The following RIC8A variants were observed in gnomAD, a reference collection of about 807,000 sequenced individuals.
The protein encoded by RIC8A is chaperone Ric-8A.
In RIC8A, 37 loss-of-function variants were observed where a neutral mutation model predicts 48.4. The ratio of observed to expected loss-of-function variants is 0.77; its 90% CI spans 0.59 to 1.01. The LOEUF is 1.01. RIC8A is among the 50% of genes least tolerant of loss of function. The probability of loss-of-function intolerance (pLI) is 0.00; values close to 1 mark genes in which losing one functional copy is unlikely to be tolerated. For synonymous variants in RIC8A, 288 were observed against 283.4 expected (o/e 1.02, Z -0.16); for missense variants, 681 against 696.8 (o/e 0.98, Z 0.25).
Position 212,467 on chromosome 11 carries a change from T to C in RIC8A, c.1021T>C (p.Cys341Arg). The C allele has an allele frequency of 6.2e-7, 1 of 1,613,972 alleles. No homozygotes were observed. Among genetic ancestry groups the C allele is most frequent in the Non-Finnish European group, 8.5e-7 (1 of 1,179,976 alleles). Residue 341 changes from cysteine (C) to arginine (R), a missense_variant, in exon 6 of 10, where the codon TGT becomes CGT. Cys to Arg is a radical substitution (Grantham distance 180). Transcript: ENST00000526104. ...VAPVLSVLTECARMHRPARKF... is the reference protein window; with the variant it reads ...VAPVLSVLTERARMHRPARKF... ...TCCCGTGCTGAGCGTGCTGACTGAATGTGCCCGGATGCACCGCCCAGCCAG... is the reference window on the plus strand; with the variant it reads ...TCCCGTGCTGAGCGTGCTGACTGAACGTGCCCGGATGCACCGCCCAGCCAG...
chr11:212,726 G>A lies in RIC8A; in HGVS notation c.1177G>A (p.Ala393Thr), dbSNP rs1280236167. 1 of 1,614,076 alleles carries A rather than the reference G, an allele frequency of 6.2e-7. No homozygotes were observed. The highest frequency in any genetic ancestry group is 1.7e-5 in the Admixed American group (1 of 60,034). Reference sequence around the variant, plus strand: ...GGACACAGATGTGAAGAGGGTGGCTGCCGAGTTCTTGTTTGTCCTGTGCTC... The same window carrying A: ...GGACACAGATGTGAAGAGGGTGGCTACCGAGTTCTTGTTTGTCCTGTGCTC... ...HLDTDVKRVA[A>T]EFLFVLCSES... Residue 393 changes from alanine (A) to threonine (T), a missense_variant, in exon 7 of 10, where the codon GCC becomes ACC. By Grantham distance (58) the Ala-to-Thr change is moderately conservative (BLOSUM62 0). Coordinates refer to ENST00000526104, the MANE Select transcript of RIC8A (RefSeq NM_001286134.2).
Position 209,822 on chromosome 11 carries a change from T to G in RIC8A, c.548T>G (p.Phe183Cys), listed in dbSNP as rs1176075187. The change falls in exon 3 of 10, where the codon TTT becomes TGT. Residue 183 changes from phenylalanine (F) to cysteine (C), a missense_variant. Phe to Cys is a radical substitution (Grantham distance 205). Transcript: ENST00000526104. ...ALRTDVRQQL[F>C]QELKGVRLLT... ...CGCACCGATGTGCGCCAGCAGCTGT[T>G]TCAGGAGCTGAAAGGAGTGCGCCTG... The G allele has an allele frequency of 2.5e-6, 4 of 1,614,012 alleles. No individual in the cohort carries two copies. Among genetic ancestry groups the G allele is most frequent in the Non-Finnish European group, 2.5e-6 (3 of 1,180,042 alleles).
In RIC8A at chr11:209,621, A is replaced by T. The variant is rs769002707; in HGVS notation, c.347A>T (p.Glu116Val). 6.2e-7 allele frequency: 1 copy of T among 1,614,032 alleles called. No individual in the cohort carries two copies. The highest frequency in any genetic ancestry group is 1.6e-4 in the Middle Eastern group (1 of 6,062). Residue 116 changes from glutamate (E) to valine (V), a missense_variant, in exon 3 of 10, where the codon GAG becomes GTG. By Grantham distance (121) the Glu-to-Val change is moderately radical. Coordinates refer to ENST00000526104, the MANE Select transcript of RIC8A (RefSeq NM_001286134.2). Reference sequence around the variant, plus strand: ...TCCGCAGACATGGATGTTGTACTGGAGTCCCTCAAGTGCCTGTGCAACCTC... The same window carrying T: ...TCCGCAGACATGGATGTTGTACTGGTGTCCCTCAAGTGCCTGTGCAACCTC... ...PESADMDVVLESLKCLCNLVL... is the reference protein window; with the variant it reads ...PESADMDVVLVSLKCLCNLVL...
Position 209,916 on chromosome 11 carries a change from T to A in RIC8A, c.642T>A (p.Pro214=). The part of the protein sequence containing the change: ...PEGNPPPTLL[P]SQETERAMEI... ...GGAACCCCCCACCCACGCTCCTTCC[T>A]TCCCAAGAGACTGAGCGGGCCATGG... Residue 214 remains proline, a synonymous_variant, in exon 3 of 10, where the codon CCT becomes CCA. Transcript: ENST00000526104. 1.2e-6 allele frequency: 2 copies of A among 1,607,784 alleles called. No individual in the cohort carries two copies. Among genetic ancestry groups the A allele is most frequent in the Non-Finnish European group, 1.7e-6 (2 of 1,179,968 alleles).
At chr11:213,244 T>G in intron 8 of RIC8A, 55 bp from the exon 9 acceptor site, 1 of 1,604,998 alleles carries the variant, frequency 6.2e-7, no homozygotes, top group Non-Finnish European at 8.5e-7. Context: ...GTGGCTTGCC[T>G]CCTGTCCTGG....
chr11:210,281 T>TG, intron 3 of RIC8A: 1 of 683,232 alleles, frequency 1.5e-6, no homozygotes, highest in Non-Finnish European at 2.7e-6. Flanking sequence ...AGGCTGTGAG[T>TG]GGGGCTGAGA....
At position 209,390 on chromosome 11, in the gene RIC8A, C is replaced by T. The variant is rs377487596; in HGVS notation, c.133-17C>T. 1,235 of 1,600,314 alleles carry T rather than the reference C, an allele frequency of 7.7e-4. 18 individuals are homozygous for T. In the South Asian group the frequency reaches 0.013, roughly 16 times the overall value. ...GGAAGAAGGGCCTGGTGGAGCCGCT[C>T]TTCTCCCTGCCCACAGAGACTGGCG... On this transcript the variant is annotated splice_polypyrimidine_tract_variant and intron_variant, in intron 2 of 9. Coordinates refer to ENST00000526104, the MANE Select transcript of RIC8A (RefSeq NM_001286134.2).
chr11:212,484 C>G lies in RIC8A; in HGVS notation c.1038C>G (p.Arg346=). 6.2e-7 allele frequency: 1 copy of G among 1,613,940 alleles called. No individual in the cohort carries two copies. Among genetic ancestry groups the G allele is most frequent in the Non-Finnish European group, 8.5e-7 (1 of 1,179,946 alleles). Residue 346 remains arginine, a synonymous_variant, in exon 6 of 10, where the codon CGC becomes CGG. Coordinates refer to ENST00000526104, the MANE Select transcript of RIC8A (RefSeq NM_001286134.2). The stretch of plus-strand genomic sequence containing the variant: ...TGACTGAATGTGCCCGGATGCACCG[C>G]CCAGCCAGGAAGTTCCTGAAGGCCC... ...SVLTECARMH[R]PARKFLKAQV... is the part of the protein sequence containing the mutation.
At position 208,756 on chromosome 11, in the gene RIC8A, C is replaced by G; in HGVS notation, c.-99C>G. 1 of 909,388 alleles carries G rather than the reference C, an allele frequency of 1.1e-6. No homozygotes were observed. The highest frequency in any genetic ancestry group is 1.9e-5 in the South Asian group (1 of 52,552). 56.3% of individuals were successfully genotyped at this position (909,388 alleles called of 1,614,324 possible). ...GACGCCGCGCCCCGTCCCGGCCTCC[C>G]CCGCGCGCTGGCGCGGGGCTTTCTG... On this transcript the variant is annotated 5_prime_UTR_variant, in exon 1 of 10. Coordinates refer to ENST00000526104, the MANE Select transcript of RIC8A (RefSeq NM_001286134.2). This position sits in a 1 kb window ranked among gnomAD's most constrained non-coding sequence, Gnocchi z 4.8.
In RIC8A at chr11:209,421, G is replaced by T; in HGVS notation, c.147G>T (p.Leu49=). 1.2e-6 allele frequency: 2 copies of T among 1,601,012 alleles called. No homozygotes were observed. The highest frequency in any genetic ancestry group is 1.7e-6 in the Non-Finnish European group (2 of 1,170,506). The change falls in exon 3 of 10, where the codon CTG becomes CTT. Residue 49 remains leucine, a synonymous_variant. Transcript: ENST00000526104. ...CCTGCCCACAGAGACTGGCGGAGCT[G>T]CTGGTCTCCGTCCTGGAACAGGGCT... ...QQEDRKRLAE[L]LVSVLEQGLP...
intron 4 of RIC8A, 184 bp downstream of exon 4, chr11:210,846 T>G (rs1855339401): frequency 3.1e-6 from 2 of 642,870 alleles, no homozygotes; most frequent in Non-Finnish European, 5.5e-6. Flanking sequence ...CAACTGGGCC[T>G]TGGGTAGTGG....
At chr11:210,501 C>T (rs1855328111) in intron 3 of RIC8A, 70 bp from the exon 4 acceptor site, 8 of 1,368,850 alleles carry the variant, frequency 5.8e-6, no homozygotes, top group African/African-American at 2.9e-5. Context: ...GTGCAACAGA[C>T]AGTGGAGCCT....
chr11:211,479 A>G lies in RIC8A; in HGVS notation c.969+130A>G. On this transcript the variant is annotated intron_variant, in intron 5 of 9. Transcript: ENST00000526104. This position sits in a 1 kb window ranked among gnomAD's most constrained non-coding sequence, Gnocchi z 4.0. ...TTGTCTTGGTGGTGTGATATGGGCG[A>G]CTCTTCCGGTTGTTCTGTGGTCCAG... 1.0e-6 allele frequency: 1 copy of G among 990,560 alleles called. No individual in the cohort carries two copies. Among genetic ancestry groups the G allele is most frequent in the East Asian group, 2.7e-5 (1 of 37,078 alleles). 61.4% of individuals were successfully genotyped at this position (990,560 alleles called of 1,614,324 possible).
chr11:209,346 G>T (rs772300550), intron 2 of RIC8A, 28 bp downstream of exon 2: 1 of 1,605,606 alleles, frequency 6.2e-7, no homozygotes, highest in Non-Finnish European at 8.5e-7. Flanking sequence ...GGGTAAAGGG[G>T]CAGGGACGGG....
rs781210696 is a variant in RIC8A at position 213,317 on chromosome 11, G to A, written c.1374G>A (p.Gly458=). The change falls in exon 9 of 10, where the codon GGG becomes GGA. Residue 458 remains glycine, a synonymous_variant. Transcript: ENST00000526104. ...GAAACAGCATAAACCCTGTGACCGGGAGGGTGGAGGAGAAGCCGCCTAACC... is the reference window on the plus strand; with the variant it reads ...GAAACAGCATAAACCCTGTGACCGGAAGGGTGGAGGAGAAGCCGCCTAACC... ...EAKASINPVT[G]RVEEKPPNPM... 6 of 1,613,878 alleles carry A rather than the reference G, an allele frequency of 3.7e-6. No homozygotes were observed. In the African/African-American group the frequency reaches 6.7e-5, roughly 18 times the overall value.
intron 1 of RIC8A, 122 bp from the exon 2 acceptor site, chr11:209,149 C>G (rs758704524): frequency 7.1e-6 from 9 of 1,262,838 alleles, no homozygotes; most frequent in African/African-American, 1.5e-5. Context: ...GGGGCGAGTG[C>G]CGACCCTGCC....
Position 208,998 on chromosome 11 carries a change from G to C in RIC8A, c.84+60G>C, listed in dbSNP as rs1000463030. 3 of 1,359,296 alleles carry C rather than the reference G, an allele frequency of 2.2e-6. No homozygotes were observed. Among genetic ancestry groups the C allele is most frequent in the Non-Finnish European group, 3.1e-6 (3 of 972,314 alleles). 84.2% of individuals were successfully genotyped at this position (1,359,296 alleles called of 1,614,324 possible). A position where few individuals can be genotyped will look rare whatever the true frequency, so the allele number is the denominator to read the frequency against. On this transcript the variant is annotated intron_variant, in intron 1 of 9. Coordinates refer to ENST00000526104, the MANE Select transcript of RIC8A (RefSeq NM_001286134.2). This position sits in a 1 kb window ranked among gnomAD's most constrained non-coding sequence, Gnocchi z 4.8. ...GAGGGGGTGGGGCAGGGTCGTGCGC[G>C]GGTAGCAGGGAGGGCGTGGGTGAGG...
Position 212,733 on chromosome 11 carries a change from T to G in RIC8A, c.1184T>G (p.Phe395Cys), listed in dbSNP as rs1232896631. 1.9e-6 allele frequency: 3 copies of G among 1,613,958 alleles called. No homozygotes were observed. Among genetic ancestry groups the G allele is most frequent in the Admixed American group, 1.7e-5 (1 of 60,008 alleles). ...GATGTGAAGAGGGTGGCTGCCGAGT[T>G]CTTGTTTGTCCTGTGCTCTGAGAGT... is the stretch of plus-strand genomic sequence containing the variant. ...DTDVKRVAAE[F>C]LFVLCSESVP... The change falls in exon 7 of 10, where the codon TTC (phenylalanine) becomes TGC (cysteine). Residue 395 changes from phenylalanine (F) to cysteine (C), a missense_variant. Phe to Cys is a radical substitution (Grantham distance 205). Transcript: ENST00000526104.
chr11:208,832 C>A lies in RIC8A; in HGVS notation c.-23C>A, dbSNP rs369264887. ...GGCCCGGAACGGCTGAGGAAGGGCC[C>A]GTCCCGCCTTCCCCGGCGCGCCATG... On this transcript the variant is annotated 5_prime_UTR_variant, in exon 1 of 10. Transcript: ENST00000526104. The surrounding 1 kb of genome is among the most constrained non-coding windows in gnomAD (Gnocchi z 4.8). 1.3e-6 allele frequency: 2 copies of A among 1,595,380 alleles called. No individual in the cohort carries two copies. The highest frequency in any genetic ancestry group is 1.3e-5 in the African/African-American group (1 of 74,660).
Sources: gnomAD v4.1 joint callset for allele counts on GRCh38, gnomAD v4.1.1 for gene constraint, Gnocchi (gnomAD v3.1) non-coding constraint, MANE v1.5 for transcripts, NCBI Gene and HGNC (gene_info 2026-07-23, HGNC 2026-07-21) for gene names.